Variants in RBFOX3 observed in about 807,000 individuals in gnomAD.
RBFOX3 encodes RNA binding protein fox-1 homolog 3.
In RBFOX3, 17 loss-of-function variants were observed where a neutral mutation model predicts 48.7. The observed-to-expected ratio is 0.35, with a 90% CI of 0.24 to 0.52. The LOEUF (loss-of-function observed/expected upper bound fraction) is 0.52. Ranked by LOEUF, RBFOX3 falls within the 20% of genes least tolerant of loss-of-function variation. The pLI is 0.94. For missense variants in RBFOX3, 382 were observed against 497.5 expected, an observed-to-expected ratio of 0.77 and a Z score of 2.21; for synonymous variants, 212 against 209.5, an observed-to-expected ratio of 1.01 and a Z score of -0.10.
chr17:79,402,975 A>T (rs1254048515), intron 2 of RBFOX3, among the ~76,000 whole-genome samples: 1 of 152,160 alleles, frequency 6.6e-6, no homozygotes, highest in Non-Finnish European at 1.5e-5. Context: ...CAGGATCGCC[A>T]TCAGATCATG....
the RBFOX3 span, among the ~76,000 whole-genome samples, chr17:79,645,978 C>G: frequency 6.6e-6 from 1 of 152,178 alleles, no homozygotes; most frequent in Non-Finnish European, 1.5e-5. Flanking sequence ...TGTTTCCTCT[C>G]TTTACATCCA....
At chr17:79,549,639 G>T (rs2090932846) in intron 1 of RBFOX3, among the ~76,000 whole-genome samples, 1 of 152,236 alleles carries the variant, frequency 6.6e-6, no homozygotes, top group African/African-American at 2.4e-5. Flanking sequence ...AGTGGGGCAG[G>T]CCTGAGGCCT....
At chr17:79,571,218 G>T (rs2092666199) in intron 1 of RBFOX3, among the ~76,000 whole-genome samples, 1 of 152,130 alleles carries the variant, frequency 6.6e-6, no homozygotes, top group Admixed American at 6.6e-5. Flanking sequence ...TAGCATCTCT[G>T]GGTTCTTGAA....
intron 2 of RBFOX3, among the ~76,000 whole-genome samples, chr17:79,428,731 G>A (rs1318596370): frequency 7.2e-5 from 11 of 152,300 alleles, no homozygotes; most frequent in Non-Finnish European, 1.3e-4. Context: ...CGTGGCCTGT[G>A]ACCTCCCCAG....
chr17:79,255,917 G>C (rs2064759133), intron 3 of RBFOX3, among the ~76,000 whole-genome samples: 1 of 151,194 alleles, frequency 6.6e-6, no homozygotes, highest in East Asian at 2.0e-4. Context: ...GGGGATCCTG[G>C]ACCCGCTGCC....
chr17:79,381,355 A>G (rs2059896032), intron 2 of RBFOX3, among the ~76,000 whole-genome samples: 1 of 152,164 alleles, frequency 6.6e-6, no homozygotes, highest in Admixed American at 6.5e-5. Context: ...TCGACATGTG[A>G]TCAATGTAAA....
chr17:79,359,212 T>C (rs1598380627), intron 2 of RBFOX3, among the ~76,000 whole-genome samples: 1 of 152,256 alleles, frequency 6.6e-6, no homozygotes, highest in East Asian at 1.9e-4. Flanking sequence ...CTGAGGGGCT[T>C]GGCTGACTGC....
chr17:79,524,814 C>T (rs1324431421), intron 1 of RBFOX3, among the ~76,000 whole-genome samples: 3 of 152,090 alleles, frequency 2.0e-5, no homozygotes, highest in South Asian at 2.1e-4. Context: ...GGGTTCAAGC[C>T]GAATGAATAT....
intron 1 of RBFOX3, among the ~76,000 whole-genome samples, chr17:79,588,877 C>T (rs2093335426): frequency 6.6e-6 from 1 of 151,888 alleles, no homozygotes; most frequent in Non-Finnish European, 1.5e-5. Flanking sequence ...TAGCGAGACC[C>T]CATCCTGAGC....
intron 5 of RBFOX3, among the ~76,000 whole-genome samples, chr17:79,110,026 G>A (rs1003972970): frequency 1.3e-5 from 2 of 151,970 alleles, no homozygotes; most frequent in East Asian, 1.9e-4. Flanking sequence ...GACTGCACAC[G>A]GACTGCCCCA....
chr17:79,579,229 G>A (rs981661447), intron 1 of RBFOX3, among the ~76,000 whole-genome samples: 2 of 152,150 alleles, frequency 1.3e-5, no homozygotes, highest in Admixed American at 6.5e-5. Flanking sequence ...TCCCCTGCCC[G>A]AGGCAGCCCA....
chr17:79,545,213 G>T (rs747158476), intron 1 of RBFOX3, among the ~76,000 whole-genome samples: 1 of 152,204 alleles, frequency 6.6e-6, no homozygotes, highest in Non-Finnish European at 1.5e-5. Context: ...CTAAGAGAAG[G>T]TATCAGAATC....
chr17:79,463,598 ACCATCGCCACCTCCACCG>A (rs1479349570), intron 2 of RBFOX3, among the ~76,000 whole-genome samples: 26 of 108,460 alleles, frequency 2.4e-4, no homozygotes, highest in African/African-American at 9.6e-4. Context: ...CACCTCCACC[ACCATCGCCACCTCCACCG>A]CCATCGCCAC....
At chr17:79,613,304 C>T (rs905861757), upstream of RBFOX3, among the ~76,000 whole-genome samples, 8 of 152,208 alleles carry the variant, frequency 5.3e-5, no homozygotes, top group East Asian at 1.9e-4. Context: ...ACAGGGCCTG[C>T]GCGTGAGGAC....
chr17:79,201,145 C>T (rs931032002), intron 4 of RBFOX3, among the ~76,000 whole-genome samples: 5 of 151,592 alleles, frequency 3.3e-5, no homozygotes, highest in East Asian at 1.9e-4. Flanking sequence ...CATCCGGATC[C>T]GATGGAGCTG....
At chr17:79,231,198 G>A (rs2060997802) in intron 4 of RBFOX3, among the ~76,000 whole-genome samples, 1 of 152,286 alleles carries the variant, frequency 6.6e-6, no homozygotes, top group South Asian at 2.1e-4. Flanking sequence ...AAGACAGCTG[G>A]ACAGAGAAAG....
At chr17:79,512,339 C>A (rs1374447771) in intron 1 of RBFOX3, among the ~76,000 whole-genome samples, 2 of 125,864 alleles carry the variant, frequency 1.6e-5, no homozygotes, top group Non-Finnish European at 3.3e-5. Flanking sequence ...GTGTTACCAT[C>A]GGATACAGCC....
intron 2 of RBFOX3, among the ~76,000 whole-genome samples, chr17:79,401,370 A>T (rs2062784486): frequency 6.6e-6 from 1 of 152,140 alleles, no homozygotes; most frequent in South Asian, 2.1e-4. Context: ...TGGGAAGACA[A>T]AAAAATAAGA....
At chr17:79,350,236 C>T (rs1054894983) in intron 2 of RBFOX3, among the ~76,000 whole-genome samples, 5 of 152,162 alleles carry the variant, frequency 3.3e-5, no homozygotes, top group African/African-American at 4.8e-5. Flanking sequence ...GCCGGCTCTG[C>T]GCCCCATCCC....
Sources: allele counts gnomAD v4.1 joint callset (sites outside exome capture counted in the v4.1 genomes callset), GRCh38; gene constraint gnomAD v4.1.1; transcripts MANE v1.5; gene names NCBI Gene and HGNC (gene_info 2026-07-23, HGNC 2026-07-21).